Variants in NAALADL2 observed in about 807,000 individuals in gnomAD.
NAALADL2 encodes inactive N-acetylated-alpha-linked acidic dipeptidase-like protein 2.
In NAALADL2, 76 loss-of-function variants were observed where a neutral mutation model predicts 87.2. That is an observed-to-expected ratio of 0.87 (90% confidence interval 0.72 to 1.05). The LOEUF is 1.05. Among genes scored for constraint, NAALADL2 ranks in the 50% least tolerant of loss-of-function variants. The pLI is 0.00. For missense variants in NAALADL2, 1,089 were observed against 945.8 expected, an observed-to-expected ratio of 1.15 and a Z score of -1.99; for synonymous variants, 354 against 331.0, an observed-to-expected ratio of 1.07 and a Z score of -0.75.
intron 13 of NAALADL2, among the ~76,000 whole-genome samples, chr3:175,757,472 T>C (rs1377869033): frequency 6.6e-6 from 1 of 152,124 alleles, no homozygotes; most frequent in African/African-American, 2.4e-5. Context: ...AAGGAGATGA[T>C]GGAATGAGAC....
chr3:175,183,412 C>G (rs190943158), intron 2 of NAALADL2, among the ~76,000 whole-genome samples: 16 of 152,008 alleles, frequency 1.1e-4, no homozygotes, highest in Admixed American at 9.9e-4. Context: ...CTTGTCTGTT[C>G]TTGATCTTAG....
At chr3:175,780,797 A>G (rs1052400624) in intron 13 of NAALADL2, among the ~76,000 whole-genome samples, 9 of 152,232 alleles carry the variant, frequency 5.9e-5, no homozygotes, top group African/African-American at 2.2e-4. Flanking sequence ...ACATGTCAAG[A>G]TTTTAAGAAT....
chr3:175,552,022 T>C (rs1714472345), intron 9 of NAALADL2, among the ~76,000 whole-genome samples: 1 of 152,168 alleles, frequency 6.6e-6, no homozygotes, highest in South Asian at 2.1e-4. Context: ...CATTATTTTA[T>C]TGATTTATAT....
intron 11 of NAALADL2, among the ~76,000 whole-genome samples, chr3:175,706,128 G>A (rs1739669387): frequency 6.6e-6 from 1 of 152,104 alleles, no homozygotes; most frequent in African/African-American, 2.4e-5. Flanking sequence ...AATGGGAAGA[G>A]ATACACTACA....
intron 2 of NAALADL2, among the ~76,000 whole-genome samples, chr3:174,590,208 T>C (rs114238738): frequency 0.012 from 1,794 of 152,164 alleles, 32 homozygotes; most frequent in African/African-American, 0.041. Flanking sequence ...TTTATAAGGA[T>C]ATCTTGGTAA....
intron 9 of NAALADL2, among the ~76,000 whole-genome samples, chr3:175,541,747 G>A (rs566238272): frequency 1.5e-4 from 23 of 152,120 alleles, no homozygotes; most frequent in Non-Finnish European, 2.8e-4. Flanking sequence ...TTTTGAGACA[G>A]AGTCTTGTTC....
chr3:175,697,053 G>A (rs1737887757), intron 11 of NAALADL2, among the ~76,000 whole-genome samples: 1 of 152,026 alleles, frequency 6.6e-6, no homozygotes, highest in Admixed American at 6.6e-5. Flanking sequence ...GTTTGGAGGA[G>A]GCATTCAAAT....
intron 3 of NAALADL2, 72 bp from the exon 4 acceptor site, chr3:175,256,339 A>G: frequency 7.3e-7 from 1 of 1,377,368 alleles, no homozygotes; most frequent in African/African-American, 1.4e-5. Flanking sequence ...TAATTTTGTT[A>G]TACTAAATGG....
chr3:175,169,042 C>G (rs1258155813), intron 2 of NAALADL2, among the ~76,000 whole-genome samples: 1 of 151,606 alleles, frequency 6.6e-6, no homozygotes, highest in African/African-American at 2.4e-5. Context: ...ATATTACCAC[C>G]AAAACTCAAG....
chr3:174,831,054 C>T (rs2109369108), intron 3 of NAALADL2, among the ~76,000 whole-genome samples: 1 of 151,158 alleles, frequency 6.6e-6, no homozygotes, highest in East Asian at 1.9e-4. Flanking sequence ...CATCTGCAAA[C>T]AGGGACAATT....
At chr3:174,754,791 C>T (rs982285520) in intron 3 of NAALADL2, among the ~76,000 whole-genome samples, 1 of 152,132 alleles carries the variant, frequency 6.6e-6, no homozygotes, top group African/African-American at 2.4e-5. Context: ...CTTTCAGTCT[C>T]ATCCCACTCA....
intron 3 of NAALADL2, among the ~76,000 whole-genome samples, chr3:174,845,656 G>C (rs1724541406): frequency 6.6e-6 from 1 of 152,258 alleles, no homozygotes; most frequent in Non-Finnish European, 1.5e-5. Flanking sequence ...GATGGGGCAA[G>C]GCCTCCTTTA....
chr3:174,866,981 C>A (rs1727224237), intron 1 of NAALADL2, among the ~76,000 whole-genome samples: 1 of 151,326 alleles, frequency 6.6e-6, no homozygotes, highest in South Asian at 2.1e-4. Flanking sequence ...GTCTATATTT[C>A]TATAAAATAC....
At chr3:175,718,876 A>C (rs1741785462) in intron 11 of NAALADL2, among the ~76,000 whole-genome samples, 1 of 152,064 alleles carries the variant, frequency 6.6e-6, no homozygotes, top group Non-Finnish European at 1.5e-5. Context: ...ACAAAAAACA[A>C]AAAACACCAC....
At chr3:175,394,738 C>T (rs999316458) in intron 5 of NAALADL2, among the ~76,000 whole-genome samples, 8 of 152,144 alleles carry the variant, frequency 5.3e-5, no homozygotes, top group South Asian at 2.1e-4. Context: ...TATTACTGAA[C>T]GCCATTACAG....
intron 1 of NAALADL2, among the ~76,000 whole-genome samples, chr3:175,085,362 G>A (rs1718676117): frequency 6.6e-6 from 1 of 152,112 alleles, no homozygotes; most frequent in African/African-American, 2.4e-5. Flanking sequence ...ACTAGTTAAG[G>A]TCATTACTGC....
intron 5 of NAALADL2, among the ~76,000 whole-genome samples, chr3:175,360,353 G>A (rs1009208269): frequency 2.0e-5 from 3 of 152,056 alleles, no homozygotes; most frequent in African/African-American, 7.2e-5. Flanking sequence ...TATATCAGAT[G>A]TTCTTTCCAT....
intron 11 of NAALADL2, among the ~76,000 whole-genome samples, chr3:175,717,574 C>A (rs911270864): frequency 6.6e-6 from 1 of 151,554 alleles, no homozygotes; most frequent in African/African-American, 2.4e-5. Flanking sequence ...GGCCTGTGGT[C>A]CCAGCTACTT....
chr3:174,550,172 T>C (rs1470844168), intron 1 of NAALADL2, among the ~76,000 whole-genome samples: 4 of 152,066 alleles, frequency 2.6e-5, no homozygotes, highest in African/African-American at 9.7e-5. Flanking sequence ...GTGTATACCT[T>C]AATTTTATTT....
Sources: gnomAD v4.1 joint callset for allele counts (sites outside exome capture counted in the v4.1 genomes callset) on GRCh38, gnomAD v4.1.1 for gene constraint, MANE v1.5 for transcripts, NCBI Gene and HGNC (gene_info 2026-07-23, HGNC 2026-07-21) for gene names.